Variants in PCDHA4 observed in about 807,000 individuals in gnomAD.
PCDHA4 encodes the protein protocadherin alpha 4.
PCDHA4 carries 49 observed loss-of-function variants against 61.4 expected under a neutral mutation model. The ratio of observed to expected loss-of-function variants is 0.80; its 90% CI spans 0.63 to 1.01. The LOEUF is 1.01. Among genes scored for constraint, PCDHA4 ranks in the 50% least tolerant of loss-of-function variants. The probability of loss-of-function intolerance (pLI) is 0.00; values close to 1 mark genes in which losing one functional copy is unlikely to be tolerated. For synonymous variants in PCDHA4, 590 were observed against 550.3 expected (o/e 1.07, Z -1.01); for missense variants, 1,254 against 1,235.8 (o/e 1.01, Z -0.22).
At chr5:140,844,242 G>A (rs2150369958) in intron 1 of PCDHA4, among the ~76,000 whole-genome samples, 3,371 of 149,312 alleles carry the variant, frequency 0.023, 302 homozygotes, top group African/African-American at 0.077. Flanking sequence ...CACTATTGCC[G>A]TTTTAAGCAG....
At chr5:140,899,704 T>C (rs2067500536) in intron 1 of PCDHA4, among the ~76,000 whole-genome samples, 1 of 152,242 alleles carries the variant, frequency 6.6e-6, no homozygotes, top group Non-Finnish European at 1.5e-5. Context: ...TAAAATGAGT[T>C]AGGGAGGATT....
At position 140,848,366 on chromosome 5, in the gene PCDHA4, G is replaced by A. The variant is rs2150409597; in HGVS notation, c.2385+38794G>A. ...TACAGCCCTTTTCCCATGGGAAAGA[G>A]GCTCAATTCTTTTTCACTCTCTCTG... On this transcript the variant is annotated intron_variant, in intron 1 of 3. Transcript: ENST00000530339. 4.6e-5 allele frequency: 50 copies of A among 1,096,168 alleles called. 2 individuals are homozygous for A. The highest frequency in any genetic ancestry group is 2.3e-5 in the Admixed American group (1 of 42,774). The allele number at this position is 1,096,168 out of a possible 1,614,324, so 67.9% of individuals were successfully genotyped here.
intron 1 of PCDHA4, chr5:140,869,676 A>G (rs1264007224): frequency 6.2e-7 from 1 of 1,613,486 alleles, no homozygotes; most frequent in African/African-American, 1.3e-5. Flanking sequence ...AGATTAAAAG[A>G]CTGTCACTTA....
At chr5:140,926,829 G>A in intron 1 of PCDHA4, 1 of 1,501,192 alleles carries the variant, frequency 6.7e-7, no homozygotes, top group Middle Eastern at 2.1e-4. Context: ...CCAGGAGTCC[G>A]GAGCATGGTC....
At chr5:140,818,365 T>C (rs2150101023) in intron 1 of PCDHA4, among the ~76,000 whole-genome samples, 1 of 152,372 alleles carries the variant, frequency 6.6e-6, no homozygotes, top group South Asian at 2.1e-4. Flanking sequence ...GATTGAATTC[T>C]TAACTTGAAT....
intron 1 of PCDHA4, chr5:140,828,515 A>C: frequency 1.2e-6 from 2 of 1,614,156 alleles, no homozygotes; most frequent in Non-Finnish European, 1.7e-6. Flanking sequence ...AAGAGTGCTG[A>C]TTTACGAATC....
intron 1 of PCDHA4, among the ~76,000 whole-genome samples, chr5:140,885,620 G>A (rs1480920354): frequency 1.3e-5 from 2 of 152,120 alleles, no homozygotes; most frequent in Non-Finnish European, 2.9e-5. Context: ...TATAAAATAT[G>A]TCACTGGATT....
intron 1 of PCDHA4, among the ~76,000 whole-genome samples, chr5:140,855,122 G>C (rs1327374532): frequency 1.3e-5 from 2 of 149,706 alleles, no homozygotes; most frequent in African/African-American, 4.9e-5. Flanking sequence ...CATTCTATAG[G>C]TAATAATTTT....
rs1554151191 is a variant in PCDHA4, at chr5:140,858,123, T to A, written c.2385+48551T>A. The A allele has an allele frequency of 6.3e-7, 1 of 1,597,678 alleles. No individual in the cohort carries two copies. Among genetic ancestry groups the A allele is most frequent in the South Asian group, 1.1e-5 (1 of 90,530 alleles). ...GGCGTGGCGCCCGAGGTGGCCCTGG[T>A]GGATGTCAACGTGTACCTGATCATC... On this transcript the variant is annotated intron_variant, in intron 1 of 3. Coordinates refer to ENST00000530339, the MANE Select transcript of PCDHA4 (RefSeq NM_018907.4).
chr5:140,850,152 G>A (rs1433217072), intron 1 of PCDHA4: 1 of 1,595,430 alleles, frequency 6.3e-7, no homozygotes, highest in Non-Finnish European at 8.6e-7. Flanking sequence ...GACGCTGCAG[G>A]TGTTCGTGCT....
rs540052499 is a variant in PCDHA4 at position 140,992,812 on chromosome 5, G to A, written c.2533+10249G>A. Among the ~76,000 whole-genome samples the A allele has an allele frequency of 2.5e-4, 38 of 152,228 alleles. No homozygotes were observed. The South Asian group carries it at 7.9e-3, about 32-fold the overall frequency. ...TTTTATGGATCCATATGTATCTAAG[G>A]ATGTGTTTGTTTTTTGGGAACATTT... is the stretch of plus-strand genomic sequence containing the variant. On this transcript the variant is annotated intron_variant, in intron 3 of 3. Transcript: ENST00000530339.
At chr5:140,828,739 T>C in intron 1 of PCDHA4, 2 of 1,614,220 alleles carry the variant, frequency 1.2e-6, no homozygotes, top group Non-Finnish European at 1.7e-6. Context: ...CAGCCACAGA[T>C]GGGGGCAAAC....
intron 1 of PCDHA4, among the ~76,000 whole-genome samples, chr5:140,958,528 G>T (rs961967514): frequency 4.6e-5 from 7 of 152,112 alleles, no homozygotes; most frequent in Non-Finnish European, 8.8e-5. Flanking sequence ...TATACTATGT[G>T]TACATTGATT....
At chr5:140,883,634 G>C (rs782548505) in intron 1 of PCDHA4, 18 of 1,613,174 alleles carry the variant, frequency 1.1e-5, no homozygotes, top group African/African-American at 5.4e-5. Flanking sequence ...GCCGGCGTTC[G>C]CGCAGCCCGA....
In PCDHA4 at chr5:140,991,838, G is replaced by A. The variant is rs1056330823; in HGVS notation, c.2533+9275G>A. 3.3e-5 allele frequency among the ~76,000 whole-genome samples: 5 copies of A among 152,110 alleles called. No homozygotes were observed. In the East Asian group the frequency reaches 9.6e-4, roughly 29 times the overall value. ...TTTAGGCATTTATAACGGCAGAACC[G>A]CACTTCCAGATACCAAAATCTGTAT... On this transcript the variant is annotated intron_variant, in intron 3 of 3. Transcript: ENST00000530339.
rs2150360169 is a variant in PCDHA4 at position 140,843,445 on chromosome 5, C to T, written c.2385+33873C>T. The T allele has an allele frequency of 2.5e-6, 4 of 1,596,040 alleles. 1 individual carries two copies. The highest frequency in any genetic ancestry group is 1.7e-6 in the Non-Finnish European group (2 of 1,165,674). Reference sequence around the variant, plus strand: ...TGATCATCGCCATCTGCGCGGTATCCAGCCTGCTGGTGCTCACGCTGCTGC... The same window carrying T: ...TGATCATCGCCATCTGCGCGGTATCTAGCCTGCTGGTGCTCACGCTGCTGC... On this transcript the variant is annotated intron_variant, in intron 1 of 3. Coordinates refer to ENST00000530339, the MANE Select transcript of PCDHA4 (RefSeq NM_018907.4).
intron 1 of PCDHA4, chr5:140,866,593 A>T (rs527619239): frequency 4.0e-4 from 61 of 152,276 alleles, no homozygotes; most frequent in African/African-American, 1.4e-3. Context: ...ATGTAATTCT[A>T]ATCTGTTGGT....
At chr5:140,968,365 T>C (rs1554230638) in intron 1 of PCDHA4, 1 of 1,614,112 alleles carries the variant, frequency 6.2e-7, no homozygotes, top group Non-Finnish European at 8.5e-7. Context: ...GCCTTTATGC[T>C]GTCAACTCCT....
At chr5:140,908,180 T>C (rs2073846080) in intron 1 of PCDHA4, among the ~76,000 whole-genome samples, 2 of 152,298 alleles carry the variant, frequency 1.3e-5, no homozygotes, top group East Asian at 3.9e-4. Context: ...AGCTGTCCAC[T>C]TTCAGGTGGT....
Sources: allele counts gnomAD v4.1 joint callset (sites outside exome capture counted in the v4.1 genomes callset), GRCh38; gene constraint gnomAD v4.1.1; transcripts MANE v1.5; gene names NCBI Gene and HGNC (gene_info 2026-07-23, HGNC 2026-07-21).